The following SLC24A2 variants were observed in gnomAD, a reference collection of about 807,000 sequenced individuals.
SLC24A2 encodes the protein solute carrier family 24 member 2.
SLC24A2 carries 36 observed loss-of-function variants against 62.0 expected under a neutral mutation model. The ratio of observed to expected loss-of-function variants is 0.58; its 90% CI spans 0.44 to 0.77. The LOEUF is 0.77. Among genes scored for constraint, SLC24A2 ranks in the 30% least tolerant of loss-of-function variants. The pLI is 0.00. For missense variants in SLC24A2, 846 were observed against 817.9 expected (o/e 1.03, Z -0.42); for synonymous variants, 358 against 294.0 (o/e 1.22, Z -2.23).
intron 2 of SLC24A2, among the ~76,000 whole-genome samples, chr9:19,744,362 T>A (rs977581295): frequency 6.6e-6 from 1 of 152,190 alleles, no homozygotes; most frequent in African/African-American, 2.4e-5. Flanking sequence ...TTTCTGGTCC[T>A]TGCTCATGTT....
chr9:19,925,303 T>G, the SLC24A2 span, among the ~76,000 whole-genome samples: 315 of 152,254 alleles, frequency 2.1e-3, no homozygotes, highest in Non-Finnish European at 3.8e-3. Flanking sequence ...ATCTACAAAT[T>G]TTGTTCATCT....
At chr9:19,939,497 C>T in the SLC24A2 span, among the ~76,000 whole-genome samples, 93 of 152,292 alleles carry the variant, frequency 6.1e-4, 1 homozygote, top group African/African-American at 2.1e-3. Context: ...AATGGCACAG[C>T]TGTACAGGGC....
intron 2 of SLC24A2, among the ~76,000 whole-genome samples, chr9:19,683,398 A>G (rs1233293257): frequency 6.6e-6 from 1 of 152,142 alleles, no homozygotes; most frequent in Non-Finnish European, 1.5e-5. Flanking sequence ...ATCTTGAAAG[A>G]TGGAGGAGCT....
In SLC24A2 at chr9:19,632,681, T is replaced by C. The variant is rs913696229; in HGVS notation, c.931-10382A>G. On this transcript the variant is annotated intron_variant, in intron 2 of 10. Coordinates refer to ENST00000341998, the MANE Select transcript of SLC24A2 (RefSeq NM_020344.4). This position sits in a 1 kb window ranked among gnomAD's most constrained non-coding sequence, Gnocchi z 4.5. ...ATAGATTCACAAATAGTTGCAAAAA[T>C]ATGTATAGGGTGGTCCCATGCGCCC... is the stretch of plus-strand genomic sequence containing the variant. Among the ~76,000 whole-genome samples the C allele has an allele frequency of 6.6e-6, 1 of 152,190 alleles. No individual in the cohort carries two copies. Among genetic ancestry groups the C allele is most frequent in the African/African-American group, 2.4e-5 (1 of 41,438 alleles).
the SLC24A2 span, among the ~76,000 whole-genome samples, chr9:19,855,333 T>C: frequency 6.6e-6 from 1 of 152,208 alleles, no homozygotes; most frequent in Non-Finnish European, 1.5e-5. Context: ...CCTGTCATCA[T>C]AATGCTAGCT....
intron 7 of SLC24A2, among the ~76,000 whole-genome samples, chr9:19,570,935 G>A (rs1045163837): frequency 6.6e-6 from 1 of 152,172 alleles, no homozygotes; most frequent in Non-Finnish European, 1.5e-5. Flanking sequence ...AGCCTAGCAG[G>A]GTGGTGCACA....
intron 2 of SLC24A2, among the ~76,000 whole-genome samples, chr9:19,683,205 A>T (rs1340410418): frequency 1.3e-5 from 2 of 152,106 alleles, no homozygotes; most frequent in African/African-American, 4.8e-5. Context: ...GCGAGGTAAA[A>T]CTCTGAAAGC....
intron 2 of SLC24A2, among the ~76,000 whole-genome samples, chr9:19,667,068 A>G (rs1819275452): frequency 6.6e-6 from 1 of 152,202 alleles, no homozygotes; most frequent in Non-Finnish European, 1.5e-5. Flanking sequence ...TCTAGATGCC[A>G]TTATTAAAAA....
the SLC24A2 span, among the ~76,000 whole-genome samples, chr9:20,065,846 A>G: frequency 6.6e-6 from 1 of 152,140 alleles, no homozygotes; most frequent in Non-Finnish European, 1.5e-5. Context: ...CTTTTAGCTT[A>G]GGCTTTCTGA....
In SLC24A2 at chr9:19,786,543, C is replaced by G. The variant is rs767269557; in HGVS notation, c.324G>C (p.Glu108Asp). Reference sequence around the variant, plus strand: ...GGGCGTGATCTGTACTATTCTCAGACTCGCCTTCCTTAGAAAGAGGTGGCT... The same window carrying G: ...GGGCGTGATCTGTACTATTCTCAGAGTCGCCTTCCTTAGAAAGAGGTGGCT... ...TPQPPLSKEG[E>D]SENSTDHAQG... Residue 108 changes from glutamate (E) to aspartate (D), a missense_variant, in exon 2 of 11, where the codon GAG becomes GAC. Transcript: ENST00000341998. This position sits in a 1 kb window ranked among gnomAD's most constrained non-coding sequence, Gnocchi z 5.0. 3.7e-6 allele frequency: 6 copies of G among 1,614,076 alleles called. No homozygotes were observed. In the African/African-American group the frequency reaches 6.7e-5, roughly 18 times the overall value.
intron 5 of SLC24A2, among the ~76,000 whole-genome samples, chr9:19,588,781 T>C (rs1333424424): frequency 6.6e-6 from 1 of 152,134 alleles, no homozygotes; most frequent in Non-Finnish European, 1.5e-5. Flanking sequence ...GTCAACACGG[T>C]GAAACCCCGT....
At chr9:19,551,267 C>T (rs944459286) in intron 7 of SLC24A2, among the ~76,000 whole-genome samples, 19 of 152,316 alleles carry the variant, frequency 1.2e-4, no homozygotes, top group African/African-American at 3.8e-4. Flanking sequence ...ACAAGTCAAG[C>T]AAGACAGTGA....
the SLC24A2 span, among the ~76,000 whole-genome samples, chr9:19,946,093 G>A: frequency 1.3e-5 from 2 of 152,086 alleles, no homozygotes; most frequent in Non-Finnish European, 2.9e-5. Flanking sequence ...TTCTTTGCTC[G>A]CTACTCCCTG....
the SLC24A2 span, among the ~76,000 whole-genome samples, chr9:19,975,705 A>T: frequency 6.6e-6 from 1 of 151,694 alleles, no homozygotes; most frequent in East Asian, 1.9e-4. Context: ...TCTGGTTCCA[A>T]CTTTTCATTT....
the SLC24A2 span, among the ~76,000 whole-genome samples, chr9:19,866,148 G>C: frequency 6.6e-6 from 1 of 152,152 alleles, no homozygotes; most frequent in East Asian, 1.9e-4. Context: ...ACTACAATGA[G>C]ATGTCATCTC....
At chr9:19,560,910 T>G (rs1193184893) in intron 7 of SLC24A2, among the ~76,000 whole-genome samples, 1 of 56,088 alleles carries the variant, frequency 1.8e-5, no homozygotes, top group African/African-American at 7.0e-5. Context: ...TATATATATA[T>G]ATATATAGAG....
chr9:19,572,419 GA>G (rs368318586), intron 7 of SLC24A2, among the ~76,000 whole-genome samples: 6 of 152,284 alleles, frequency 3.9e-5, no homozygotes, highest in Non-Finnish European at 8.8e-5. Context: ...AGCCTGGTGG[GA>G]GGTGATTGAA....
At chr9:19,988,913 T>C in the SLC24A2 span, among the ~76,000 whole-genome samples, 1 of 152,208 alleles carries the variant, frequency 6.6e-6, no homozygotes, top group Admixed American at 6.5e-5. Context: ...CACCATAGGC[T>C]TGTGCCACGC....
At chr9:20,111,015 T>A in the SLC24A2 span, among the ~76,000 whole-genome samples, 5 of 152,176 alleles carry the variant, frequency 3.3e-5, no homozygotes, top group African/African-American at 1.2e-4. Context: ...TGAAATATGG[T>A]AGATATGTTT....
Sources: gnomAD v4.1 joint callset for allele counts (sites outside exome capture counted in the v4.1 genomes callset) on GRCh38, gnomAD v4.1.1 for gene constraint, Gnocchi (gnomAD v3.1) non-coding constraint, MANE v1.5 for transcripts, NCBI Gene and HGNC (gene_info 2026-07-23, HGNC 2026-07-21) for gene names.